Variants in ACVRL1 observed in about 807,000 individuals in gnomAD.
ACVRL1 encodes the protein activin receptor type-1-like.
Under a neutral mutation model 51.9 loss-of-function variants are expected in ACVRL1, and 20 were observed. That is an observed-to-expected ratio of 0.39 (90% CI 0.27 to 0.56). The LOEUF is 0.56. Among genes scored for constraint, ACVRL1 ranks in the 20% least tolerant of loss-of-function variants. The probability of loss-of-function intolerance (pLI) is 0.67; values close to 1 mark genes in which losing one functional copy is unlikely to be tolerated. For synonymous variants in ACVRL1, 288 were observed against 280.9 expected, an observed-to-expected ratio of 1.03 and a Z score of -0.25; for missense variants, 451 against 670.3, an observed-to-expected ratio of 0.67 and a Z score of 3.61.
intron 9 of ACVRL1, among the ~76,000 whole-genome samples, chr12:51,920,067 G>A (rs1380394563): frequency 6.6e-6 from 1 of 152,188 alleles, no homozygotes; most frequent in Non-Finnish European, 1.5e-5. Context: ...CCACATGTAT[G>A]CATTCCTGTA....
intron 7 of ACVRL1, 64 bp downstream of exon 7, chr12:51,915,564 C>T: frequency 3.2e-6 from 5 of 1,548,584 alleles, no homozygotes; most frequent in South Asian, 2.4e-5. Context: ...CTCTCCTCTC[C>T]TTTGCCTGTG....
chr12:51,912,020 T>G (rs1940699491), intron 1 of ACVRL1, among the ~76,000 whole-genome samples: 1 of 152,088 alleles, frequency 6.6e-6, no homozygotes, highest in Non-Finnish European at 1.5e-5. Flanking sequence ...GGAGCCTGTT[T>G]ATGTTTGAGG....
chr12:51,914,068 G>C lies in ACVRL1; in HGVS notation c.620G>C (p.Cys207Ser). The change falls in exon 5 of 10, where the codon TGT becomes TCT. Residue 207 changes from cysteine to serine, a missense_variant. Cys to Ser is a moderately radical substitution (Grantham distance 112). Coordinates refer to ENST00000388922, the MANE Select transcript of ACVRL1 (RefSeq NM_000020.3). ...GCACGGCAGGTTGCCTTGGTGGAGT[G>C]TGTGGGTGAGCAGTGGGTGAGCCCG... Reference protein sequence around the residue: ...TVARQVALVECVGKGRYGEVW... With the variant: ...TVARQVALVESVGKGRYGEVW... 6.2e-7 allele frequency: 1 copy of C among 1,613,456 alleles called. No homozygotes were observed.
chr12:51,913,462 T>TGGGGGG, intron 3 of ACVRL1, 97 bp from the exon 4 acceptor site: 7 of 827,986 alleles, frequency 8.5e-6, no homozygotes, highest in Non-Finnish European at 1.3e-5. Context: ...GGGGAGCGGG[T>TGGGGGG]GGGCAGGACT....
chr12:51,915,915 C>T (rs926019665), intron 7 of ACVRL1, 121 bp from the exon 8 acceptor site: 9 of 1,100,710 alleles, frequency 8.2e-6, no homozygotes, highest in South Asian at 3.0e-5. Flanking sequence ...AGCCCATCTC[C>T]GTGCACGTCT....
chr12:51,912,723 C>T (rs556105426), intron 2 of ACVRL1, among the ~76,000 whole-genome samples, 188 bp downstream of exon 2: 1 of 152,230 alleles, frequency 6.6e-6, no homozygotes, highest in East Asian at 1.9e-4. Context: ...CTTTGCTCTC[C>T]TCTTGATCCA....
Position 51,915,421 on chromosome 12 carries a change from A to G in ACVRL1, c.969A>G (p.Lys323=). ...LHVEIFGTQG[K]PAIAHRDFKS... ...TGGAGATCTTCGGTACACAGGGCAA[A>G]CCAGCCATTGCCCACCGCGACTTCA... is the stretch of plus-strand genomic sequence containing the variant. Residue 323 remains lysine (K), a synonymous_variant, in exon 7 of 10, where the codon AAA becomes AAG. Coordinates refer to ENST00000388922, the MANE Select transcript of ACVRL1 (RefSeq NM_000020.3). 1 of 1,613,002 alleles carries G rather than the reference A, an allele frequency of 6.2e-7. No homozygotes were observed. Among genetic ancestry groups the G allele is most frequent in the Non-Finnish European group, 8.5e-7 (1 of 1,179,942 alleles).
At chr12:51,919,236 G>A (rs1182322902) in intron 9 of ACVRL1, 121 bp downstream of exon 9, 6 of 1,477,214 alleles carry the variant, frequency 4.1e-6, no homozygotes, top group Non-Finnish European at 5.5e-6. Context: ...GTCCTGGTTA[G>A]GGCACCTCTC....
intron 1 of ACVRL1, among the ~76,000 whole-genome samples, chr12:51,911,319 A>G (rs1224380082): frequency 6.6e-6 from 1 of 151,676 alleles, no homozygotes; most frequent in African/African-American, 2.4e-5. Flanking sequence ...TCCCCCTAAC[A>G]CTCTCCAACA....
chr12:51,909,087 A>T (rs567729254), intron 1 of ACVRL1, among the ~76,000 whole-genome samples: 78 of 152,296 alleles, frequency 5.1e-4, no homozygotes, highest in Admixed American at 1.2e-3. Flanking sequence ...GTTGTGCTTG[A>T]TATGGCGCTT....
intron 1 of ACVRL1, among the ~76,000 whole-genome samples, chr12:51,911,832 C>G (rs898443066): frequency 1.3e-5 from 2 of 152,186 alleles, no homozygotes; most frequent in Non-Finnish European, 2.9e-5. Flanking sequence ...TAGCAAGGAA[C>G]TAAGGGCATA....
chr12:51,922,052 A>AGGC lies in ACVRL1; in HGVS notation c.*1159_*1160insGGC, dbSNP rs1357388312. 6.6e-6 allele frequency: 1 copy of AGGC among 152,146 alleles called. No individual in the cohort carries two copies. Among genetic ancestry groups the AGGC allele is most frequent in the East Asian group, 1.9e-4 (1 of 5,188 alleles). 9.4% of individuals were successfully genotyped at this position (152,146 alleles called of 1,614,324 possible). A position where few individuals can be genotyped will look rare whatever the true frequency, so the allele number is the denominator to read the frequency against. The stretch of plus-strand genomic sequence containing the variant: ...TGGCCAGGACCTTTGTTTCTTATCT[A>AGGC]CATATTGGAAGATTTGGTCCTGATG... On this transcript the variant is annotated 3_prime_UTR_variant, in exon 10 of 10. Transcript: ENST00000388922.
Position 51,921,151 on chromosome 12 carries a change from AC to A in ACVRL1, c.*263del. On this transcript the variant is annotated 3_prime_UTR_variant, in exon 10 of 10. Transcript: ENST00000388922. Reference sequence around the variant, plus strand: ...CCCACCCCTATGGCCAGCATGGTGCACCCCCTACCACTCCCGGGACAGGATG... The same window carrying A: ...CCCACCCCTATGGCCAGCATGGTGCACCCCTACCACTCCCGGGACAGGATG... 1.9e-6 allele frequency: 1 copy of A among 513,072 alleles called. No individual in the cohort carries two copies. Among genetic ancestry groups the A allele is most frequent in the Non-Finnish European group, 3.5e-6 (1 of 281,994 alleles). The allele number at this position is 513,072 out of a possible 1,614,324, so 31.8% of individuals were successfully genotyped here.
At position 51,913,697 on chromosome 12, in the gene ACVRL1, G is replaced by A. The variant is rs571039541; in HGVS notation, c.452G>A (p.Arg151His). 3.0e-5 allele frequency: 48 copies of A among 1,611,572 alleles called. No individual in the cohort carries two copies. The South Asian group carries it at 3.5e-4, about 12-fold the overall frequency. The change falls in exon 4 of 10, where the codon CGT (arginine) becomes CAT (histidine). Residue 151 changes from arginine to histidine, a missense_variant. Transcript: ENST00000388922. ...GTCCGACGGAGGCAGGAGAAGCAGCGTGGCCTGCACAGCGAGCTGGGAGAG... is the reference window on the plus strand; with the variant it reads ...GTCCGACGGAGGCAGGAGAAGCAGCATGGCCTGCACAGCGAGCTGGGAGAG... ...WHVRRRQEKQ[R>H]GLHSELGESS...
upstream of ACVRL1, chr12:51,907,020 T>C (rs1022454310): frequency 6.7e-6 from 1 of 148,150 alleles, no homozygotes; most frequent in Non-Finnish European, 1.5e-5. The surrounding 1 kb of genome is among the most constrained non-coding windows in gnomAD (Gnocchi z 4.5). Context: ...TCCCTCCCCG[T>C]CCCACCCCCG....
Position 51,915,904 on chromosome 12 carries a change from C to T in ACVRL1, c.1049-132C>T, listed in dbSNP as rs980589700. On this transcript the variant is annotated intron_variant, in intron 7 of 9. Coordinates refer to ENST00000388922, the MANE Select transcript of ACVRL1 (RefSeq NM_000020.3). ...GGTTCTCTCTGTGGCCACTGCCTTC[C>T]AGCCCATCTCCGTGCACGTCTCCAT... The T allele has an allele frequency of 6.1e-6, 6 of 989,700 alleles. No homozygotes were observed. In the Admixed American group the frequency reaches 1.3e-4, roughly 21 times the overall value. The allele number at this position is 989,700 out of a possible 1,614,324, so 61.3% of individuals were successfully genotyped here. A position where few individuals can be genotyped will look rare whatever the true frequency, so the allele number is the denominator to read the frequency against.
intron 9 of ACVRL1, among the ~76,000 whole-genome samples, 164 bp from the exon 10 acceptor site, chr12:51,920,595 C>T (rs1940950230): frequency 6.6e-6 from 1 of 151,988 alleles, no homozygotes; most frequent in Non-Finnish European, 1.5e-5. Flanking sequence ...TCCCTCCTCT[C>T]ATCCTTTCTC....
intron 1 of ACVRL1, among the ~76,000 whole-genome samples, chr12:51,910,865 G>A (rs962793078): frequency 6.6e-6 from 1 of 152,236 alleles, no homozygotes; most frequent in Admixed American, 6.5e-5. Context: ...TCCTCCCCCA[G>A]CCTGGGCCTC....
chr12:51,912,566 G>A, intron 2 of ACVRL1, 31 bp downstream of exon 2: 1 of 1,561,624 alleles, frequency 6.4e-7, no homozygotes, highest in East Asian at 2.2e-5. Context: ...TAGGAAACAG[G>A]AACCTGGATA....
Sources: gnomAD v4.1 joint callset for allele counts (sites outside exome capture counted in the v4.1 genomes callset) on GRCh38, gnomAD v4.1.1 for gene constraint, Gnocchi (gnomAD v3.1) non-coding constraint, MANE v1.5 for transcripts, NCBI Gene and HGNC (gene_info 2026-07-23, HGNC 2026-07-21) for gene names.